Variants in NPRL3 observed in about 807,000 individuals in gnomAD.
The protein encoded by NPRL3 is GATOR1 complex protein NPRL3.
In NPRL3, 23 loss-of-function variants were observed where a neutral mutation model predicts 57.2. The observed-to-expected ratio is 0.40, with a 90% CI of 0.29 to 0.57. NPRL3 has a LOEUF of 0.57. NPRL3 is among the 20% of genes least tolerant of loss of function. The pLI is 0.42. For synonymous variants in NPRL3, 333 were observed against 321.1 expected, an observed-to-expected ratio of 1.04 and a Z score of -0.39; for missense variants, 691 against 767.1, an observed-to-expected ratio of 0.90 and a Z score of 1.17.
At chr16:126,059 C>G (rs1490929332) in intron 3 of NPRL3, 1 of 152,224 alleles carries the variant, frequency 6.6e-6, no homozygotes, top group Non-Finnish European at 1.5e-5. Context: ...ACCTGATTCC[C>G]CAAGATGTCA....
At chr16:113,270 C>T (rs1264463812) in intron 5 of NPRL3, among the ~76,000 whole-genome samples, 1 of 152,194 alleles carries the variant, frequency 6.6e-6, no homozygotes. Context: ...CGACAGGCCA[C>T]GTTACTACAG....
intron 4 of NPRL3, among the ~76,000 whole-genome samples, chr16:118,230 G>A (rs1006312750): frequency 6.6e-6 from 1 of 151,842 alleles, no homozygotes; most frequent in East Asian, 1.9e-4. Flanking sequence ...TACTGTGTTC[G>A]ACCCTTCAGA....
chr16:127,943 C>T (rs1900615023), intron 3 of NPRL3, among the ~76,000 whole-genome samples: 1 of 152,050 alleles, frequency 6.6e-6, no homozygotes, highest in African/African-American at 2.4e-5. Flanking sequence ...GCTTGAGCCA[C>T]TGCGCCCGGC....
chr16:98,121 C>T, intron 9 of NPRL3, 24 bp downstream of exon 9: 1 of 1,605,910 alleles, frequency 6.2e-7, no homozygotes, highest in Non-Finnish European at 8.5e-7. Flanking sequence ...CACATGCCAC[C>T]CATCTGGGCC....
intron 5 of NPRL3, among the ~76,000 whole-genome samples, chr16:114,489 T>C (rs889488834): frequency 5.3e-5 from 8 of 152,194 alleles, no homozygotes; most frequent in African/African-American, 1.9e-4. Context: ...AGTTAACTTG[T>C]AGTTTGAAGG....
At chr16:122,952 C>T (rs1040891496) in intron 3 of NPRL3, among the ~76,000 whole-genome samples, 6 of 152,282 alleles carry the variant, frequency 3.9e-5, no homozygotes, top group Admixed American at 3.3e-4. Flanking sequence ...ATGGAAGAGT[C>T]GCCCGTCATC....
intron 9 of NPRL3, among the ~76,000 whole-genome samples, chr16:97,258 C>CT (rs528855343): frequency 0.068 from 9,860 of 144,972 alleles, 986 homozygotes; most frequent in African/African-American, 0.22. Flanking sequence ...TCTCCCCGTG[C>CT]TTTTTTTTTT....
rs1901225155 is a variant in NPRL3 at position 138,338 on chromosome 16, AGG to A, written c.-67-6_-67-5del. 2 of 1,111,016 alleles carry A rather than the reference AGG, an allele frequency of 1.8e-6. No homozygotes were observed. Among genetic ancestry groups the A allele is most frequent in the African/African-American group, 3.5e-5 (2 of 57,802 alleles). The allele number at this position is 1,111,016 out of a possible 1,614,324, so 68.8% of individuals were successfully genotyped here. On this transcript the variant is annotated splice_polypyrimidine_tract_variant and splice_region_variant and intron_variant, in intron 1 of 13. Transcript: ENST00000611875. ...CGGAGCCGGAGGCGGAGGGGGCCTG[AGG>A]AGGACGGAGCCGGAGGCGGAGGGGG...
intron 6 of NPRL3, 42 bp downstream of exon 6, chr16:112,580 A>G: frequency 6.9e-7 from 1 of 1,459,500 alleles, no homozygotes; most frequent in Non-Finnish European, 9.1e-7. Flanking sequence ...AGAGGCCACC[A>G]GCCAGCCCAG....
intron 7 of NPRL3, among the ~76,000 whole-genome samples, chr16:106,629 TAAAAAAAAA>T (rs763058746): frequency 8.3e-5 from 5 of 60,092 alleles, no homozygotes; most frequent in East Asian, 6.8e-4. Context: ...TGCCTTAAAT[TAAAAAAAAA>T]AAAAAAAAAA....
In NPRL3 at chr16:86,613, A is replaced by AGGGCTC; in HGVS notation, c.*86_*91dup. On this transcript the variant is annotated 3_prime_UTR_variant, in exon 14 of 14. Transcript: ENST00000611875. ...CCCAATGCCAGGCCTCAGGGCCAAG[A>AGGGCTC]GGGCTCAGCCTCAGCACGGGGGGAG... The AGGGCTC allele has an allele frequency of 7.5e-7, 1 of 1,329,974 alleles. No individual in the cohort carries two copies. The highest frequency in any genetic ancestry group is 1.0e-6 in the Non-Finnish European group (1 of 983,700). The allele number at this position is 1,329,974 out of a possible 1,614,324, so 82.4% of individuals were successfully genotyped here.
intron 7 of NPRL3, among the ~76,000 whole-genome samples, chr16:109,221 C>T (rs1392070936): frequency 6.6e-6 from 1 of 152,178 alleles, no homozygotes; most frequent in Admixed American, 6.5e-5. Context: ...CGCCCCTCAG[C>T]CTCCCAAAGT....
At chr16:94,353 C>G (rs968966439) in intron 9 of NPRL3, among the ~76,000 whole-genome samples, 1 of 152,242 alleles carries the variant, frequency 6.6e-6, no homozygotes, top group Non-Finnish European at 1.5e-5. Context: ...GCCCAGGACA[C>G]CACTCCACCC....
At chr16:115,744 C>T (rs1159345555) in intron 5 of NPRL3, among the ~76,000 whole-genome samples, 1 of 152,212 alleles carries the variant, frequency 6.6e-6, no homozygotes, top group Non-Finnish European at 1.5e-5. Flanking sequence ...CTTCAGCCTC[C>T]CAAAGTGCTG....
chr16:115,560 A>G (rs1172900929), intron 5 of NPRL3, among the ~76,000 whole-genome samples: 1 of 149,770 alleles, frequency 6.7e-6, no homozygotes, highest in East Asian at 2.0e-4. Context: ...ATCTCTGCTC[A>G]CTGCAACCTC....
rs778177582 is a variant in NPRL3, at chr16:112,654, G to A, written c.515C>T (p.Ala172Val). The A allele has an allele frequency of 1.6e-5, 26 of 1,601,844 alleles. No individual in the cohort carries two copies. The highest frequency in any genetic ancestry group is 1.2e-4 in the Admixed American group (7 of 58,866). Residue 172 changes from alanine (A) to valine (V), a missense_variant, in exon 6 of 14, where the codon GCG becomes GTG. By Grantham distance (64) the Ala-to-Val change is moderately conservative. Coordinates refer to ENST00000611875, the MANE Select transcript of NPRL3 (RefSeq NM_001077350.3). ...YLTREAKLILALQDEVSAMAD... is the reference protein window; with the variant it reads ...YLTREAKLILVLQDEVSAMAD... ...CATGGCGGACACCTCATCCTGGAGCGCCAGGATCAGCTTGGCCTCCCGGGT... is the reference window on the plus strand; with the variant it reads ...CATGGCGGACACCTCATCCTGGAGCACCAGGATCAGCTTGGCCTCCCGGGT...
chr16:89,969 G>T lies in NPRL3; in HGVS notation c.1162-67C>A, dbSNP rs915663791. 2.1e-6 allele frequency: 3 copies of T among 1,439,740 alleles called. No homozygotes were observed. In the African/African-American group the frequency reaches 4.3e-5, roughly 21 times the overall value. 89.2% of individuals were successfully genotyped at this position (1,439,740 alleles called of 1,614,324 possible). ...CAACTTCCTCCTGGGTGATCAGGGA[G>T]CCATGGCCCTAGACATGGCCACAGC... On this transcript the variant is annotated intron_variant, in intron 11 of 13. Coordinates refer to ENST00000611875, the MANE Select transcript of NPRL3 (RefSeq NM_001077350.3).
In NPRL3 at chr16:86,615, G is replaced by T; in HGVS notation, c.*90C>A. 1 of 1,349,982 alleles carries T rather than the reference G, an allele frequency of 7.4e-7. No individual in the cohort carries two copies. Among genetic ancestry groups the T allele is most frequent in the Non-Finnish European group, 1.0e-6 (1 of 999,570 alleles). The allele number at this position is 1,349,982 out of a possible 1,614,324, so 83.6% of individuals were successfully genotyped here. On this transcript the variant is annotated 3_prime_UTR_variant, in exon 14 of 14. Coordinates refer to ENST00000611875, the MANE Select transcript of NPRL3 (RefSeq NM_001077350.3). The stretch of plus-strand genomic sequence containing the variant: ...CAATGCCAGGCCTCAGGGCCAAGAG[G>T]GCTCAGCCTCAGCACGGGGGGAGCC...
chr16:126,225 A>T (rs939331837), intron 3 of NPRL3: 8 of 151,082 alleles, frequency 5.3e-5, no homozygotes, highest in African/African-American at 1.7e-4. Flanking sequence ...GTTCGAGACC[A>T]GCCTGGCCAA....
Sources: allele counts gnomAD v4.1 joint callset (sites outside exome capture counted in the v4.1 genomes callset), GRCh38; gene constraint gnomAD v4.1.1; transcripts MANE v1.5; gene names NCBI Gene and HGNC (gene_info 2026-07-23, HGNC 2026-07-21).